Variants in ZFPM2 observed in about 807,000 individuals in gnomAD.
The protein encoded by ZFPM2 is zinc finger protein ZFPM2.
Under a neutral mutation model 98.6 loss-of-function variants are expected in ZFPM2, and 20 were observed. That is an observed-to-expected ratio of 0.20 (90% CI 0.14 to 0.29). The LOEUF is 0.29. Ranked by LOEUF, ZFPM2 falls within the 10% of genes least tolerant of loss-of-function variation. The probability of loss-of-function intolerance (pLI) is 1.00; values close to 1 mark genes in which losing one functional copy is unlikely to be tolerated. For missense variants in ZFPM2, 1,310 were observed against 1,388.6 expected (o/e 0.94, Z 0.90); for synonymous variants, 518 against 502.7 (o/e 1.03, Z -0.41).
At chr8:105,763,937 A>G (rs1812795916) in intron 5 of ZFPM2, among the ~76,000 whole-genome samples, 1 of 151,894 alleles carries the variant, frequency 6.6e-6, no homozygotes, top group African/African-American at 2.4e-5. Flanking sequence ...CAATTAGCAT[A>G]GCAGAGAAGC....
At chr8:105,489,069 G>A (rs1422064581) in intron 3 of ZFPM2, among the ~76,000 whole-genome samples, 1 of 151,946 alleles carries the variant, frequency 6.6e-6, no homozygotes, top group Non-Finnish European at 1.5e-5. Flanking sequence ...GATGCATTTG[G>A]TTCTGATGCC....
At chr8:105,700,639 G>A (rs1372704572) in intron 5 of ZFPM2, among the ~76,000 whole-genome samples, 1 of 152,108 alleles carries the variant, frequency 6.6e-6, no homozygotes, top group East Asian at 1.9e-4. Flanking sequence ...CATCCAGGCT[G>A]GAGTGCAGTG....
intron 3 of ZFPM2, among the ~76,000 whole-genome samples, chr8:105,496,547 A>G (rs148548950): frequency 3.4e-3 from 510 of 152,224 alleles, no homozygotes; most frequent in African/African-American, 7.3e-3. Context: ...GAAGCAGACA[A>G]TGTTCATAGA....
chr8:105,442,437 A>C (rs1349795202), intron 2 of ZFPM2, among the ~76,000 whole-genome samples: 1 of 152,150 alleles, frequency 6.6e-6, no homozygotes, highest in Non-Finnish European at 1.5e-5. Context: ...TTGTGTTTTT[A>C]TTTTCAAAAA....
chr8:105,618,461 T>C (rs529804464), intron 4 of ZFPM2, among the ~76,000 whole-genome samples: 1 of 152,316 alleles, frequency 6.6e-6, no homozygotes, highest in Non-Finnish European at 1.5e-5. Context: ...CCTAGAATTT[T>C]AGTACTTCAT....
chr8:105,496,911 G>T (rs537144863), intron 3 of ZFPM2, among the ~76,000 whole-genome samples: 2 of 143,418 alleles, frequency 1.4e-5, no homozygotes, highest in Non-Finnish European at 3.0e-5. Flanking sequence ...GAATCCGGGA[G>T]TCAGAGGTTG....
At chr8:105,481,695 A>G (rs1813122932) in intron 3 of ZFPM2, among the ~76,000 whole-genome samples, 1 of 152,122 alleles carries the variant, frequency 6.6e-6, no homozygotes, top group Non-Finnish European at 1.5e-5. Context: ...TGGTATTAAT[A>G]TAGTAAGAAT....
chr8:105,414,279 G>A (rs182382471), intron 1 of ZFPM2, among the ~76,000 whole-genome samples: 128 of 151,972 alleles, frequency 8.4e-4, no homozygotes, highest in African/African-American at 3.1e-3. Context: ...ATAGAAGTTG[G>A]CATTTCTTTC....
intron 4 of ZFPM2, among the ~76,000 whole-genome samples, chr8:105,568,982 C>G (rs1386595191): frequency 1.3e-5 from 2 of 151,944 alleles, no homozygotes; most frequent in African/African-American, 4.8e-5. Context: ...CCCTATTCCC[C>G]CCTCCCCACC....
chr8:105,627,313 G>T (rs139977029), intron 4 of ZFPM2, among the ~76,000 whole-genome samples: 6 of 152,230 alleles, frequency 3.9e-5, no homozygotes, highest in Non-Finnish European at 8.8e-5. Context: ...TGTCAAGTTT[G>T]TCTAGTTGTG....
chr8:105,456,299 A>C (rs1423272641), intron 3 of ZFPM2, among the ~76,000 whole-genome samples: 5 of 151,900 alleles, frequency 3.3e-5, no homozygotes, highest in Non-Finnish European at 7.4e-5. Flanking sequence ...TATTTCATGG[A>C]GCTCTGGTGG....
At chr8:105,658,106 T>C (rs907726004) in intron 5 of ZFPM2, among the ~76,000 whole-genome samples, 4 of 152,266 alleles carry the variant, frequency 2.6e-5, no homozygotes, top group Non-Finnish European at 4.4e-5. Flanking sequence ...TCAACAGCAA[T>C]GGATTCTTCA....
intron 5 of ZFPM2, 127 bp from the exon 6 acceptor site, chr8:105,788,591 T>TCAAA (rs1813492348): frequency 1.1e-6 from 1 of 900,018 alleles, no homozygotes; most frequent in Non-Finnish European, 1.7e-6. Context: ...GTTGCCTTGA[T>TCAAA]CAAACACTCC....
In ZFPM2 at chr8:105,674,572, A is replaced by G. The variant is rs143764113; in HGVS notation, c.532+40215A>G. On this transcript the variant is annotated intron_variant, in intron 5 of 7. Coordinates refer to ENST00000407775, the MANE Select transcript of ZFPM2 (RefSeq NM_012082.4). ...CCTTTTTGTTCCGTACCTTGGCATCATATTTTTAAAAGGCATTCCCTATGT... is the reference window on the plus strand; with the variant it reads ...CCTTTTTGTTCCGTACCTTGGCATCGTATTTTTAAAAGGCATTCCCTATGT... Among the ~76,000 whole-genome samples, 1,041 of 152,270 alleles carry G rather than the reference A, an allele frequency of 6.8e-3. 11 individuals are homozygous for G. The highest frequency in any genetic ancestry group is 0.026 in the South Asian group (127 of 4,828).
At chr8:105,322,095 C>T (rs1220639763) in intron 1 of ZFPM2, among the ~76,000 whole-genome samples, 2 of 152,014 alleles carry the variant, frequency 1.3e-5, no homozygotes, top group South Asian at 2.1e-4. Context: ...GATAAAAAGC[C>T]CTGATAGGAC....
chr8:105,665,448 G>A (rs1817471607), intron 5 of ZFPM2, among the ~76,000 whole-genome samples: 1 of 152,102 alleles, frequency 6.6e-6, no homozygotes, highest in Admixed American at 6.5e-5. Flanking sequence ...ACCCTGCCAT[G>A]GATTTCAGAG....
chr8:105,748,734 A>C (rs1223192748), intron 5 of ZFPM2, among the ~76,000 whole-genome samples: 1 of 152,034 alleles, frequency 6.6e-6, no homozygotes, highest in Non-Finnish European at 1.5e-5. Flanking sequence ...TGAAGTACTA[A>C]ACTGATAGCA....
At chr8:105,648,410 T>C (rs1012458346) in intron 5 of ZFPM2, among the ~76,000 whole-genome samples, 27 of 152,226 alleles carry the variant, frequency 1.8e-4, no homozygotes, top group African/African-American at 6.0e-4. Flanking sequence ...ATTTTGGCTT[T>C]TGTTGCCATG....
chr8:105,709,262 AC>A (rs1429302870), intron 5 of ZFPM2, among the ~76,000 whole-genome samples: 2 of 152,202 alleles, frequency 1.3e-5, no homozygotes, highest in Non-Finnish European at 2.9e-5. Context: ...TCTGGTTTTT[AC>A]TATGGAAATC....
Sources: allele counts gnomAD v4.1 joint callset (sites outside exome capture counted in the v4.1 genomes callset), GRCh38; gene constraint gnomAD v4.1.1; transcripts MANE v1.5; gene names NCBI Gene and HGNC (gene_info 2026-07-23, HGNC 2026-07-21).